Variants in ADCY2 observed in about 807,000 individuals in gnomAD.
The protein encoded by ADCY2 is adenylate cyclase 2, also known as adenylate cyclase type 2.
Under a neutral mutation model 125.2 loss-of-function variants are expected in ADCY2, and 31 were observed. The ratio of observed to expected loss-of-function variants is 0.25; its 90% confidence interval spans 0.19 to 0.33. The LOEUF (loss-of-function observed/expected upper bound fraction) is 0.33. Ranked by LOEUF, ADCY2 falls within the 10% of genes least tolerant of loss-of-function variation. ADCY2 has a pLI of 1.00. For synonymous variants in ADCY2, 512 were observed against 548.4 expected (o/e 0.93, Z 0.93); for missense variants, 904 against 1,418.2 (o/e 0.64, Z 5.82).
Position 7,802,075 on chromosome 5 carries a change from G to A in ADCY2, c.2629-143G>A. 1 of 853,368 alleles carries A rather than the reference G, an allele frequency of 1.2e-6. No individual in the cohort carries two copies. Among genetic ancestry groups the A allele is most frequent in the Non-Finnish European group, 1.8e-6 (1 of 560,584 alleles). 52.9% of individuals were successfully genotyped at this position (853,368 alleles called of 1,614,324 possible). ...AGAGCAGCGGCAGCATCTGGATTGG[G>A]CCGCGGCTGGGGTGGGGCAAGTGGA... On this transcript the variant is annotated intron_variant, in intron 20 of 24. Transcript: ENST00000338316. This position sits in a 1 kb window ranked among gnomAD's most constrained non-coding sequence, Gnocchi z 4.6.
intron 4 of ADCY2, among the ~76,000 whole-genome samples, chr5:7,664,879 C>T (rs1739659734): frequency 6.6e-6 from 1 of 152,288 alleles, no homozygotes; most frequent in Non-Finnish European, 1.5e-5. Flanking sequence ...CAGTCCTTTA[C>T]CTTAACCTCA....
intron 9 of ADCY2, chr5:7,708,086 G>A (rs1240348321): frequency 1.2e-5 from 5 of 406,868 alleles, no homozygotes; most frequent in Non-Finnish European, 1.7e-5. Context: ...AGTTCAGGCT[G>A]TCATGTGTGT....
At chr5:7,778,905 A>G (rs1014073053) in intron 18 of ADCY2, among the ~76,000 whole-genome samples, 1 of 152,160 alleles carries the variant, frequency 6.6e-6, no homozygotes, top group Non-Finnish European at 1.5e-5. Context: ...AGAACCTGAA[A>G]TTGTTTTCAT....
At chr5:7,628,683 A>G (rs1443619281) in intron 4 of ADCY2, among the ~76,000 whole-genome samples, 1 of 152,210 alleles carries the variant, frequency 6.6e-6, no homozygotes, top group Non-Finnish European at 1.5e-5. Flanking sequence ...AAGCGTTGGA[A>G]GTCCATTTCC....
chr5:7,459,142 TC>T (rs1309462850), intron 2 of ADCY2, among the ~76,000 whole-genome samples: 2 of 152,148 alleles, frequency 1.3e-5, no homozygotes, highest in Admixed American at 1.3e-4. Context: ...GACCGGGAGT[TC>T]CTTGGGGGAT....
intron 16 of ADCY2, among the ~76,000 whole-genome samples, chr5:7,758,366 T>G (rs1224007035): frequency 6.6e-6 from 1 of 152,134 alleles, no homozygotes; most frequent in African/African-American, 2.4e-5. Context: ...TGTTCTCACA[T>G]CAGCAGCAGC....
intron 5 of ADCY2, among the ~76,000 whole-genome samples, chr5:7,692,812 G>A (rs941701115): frequency 9.2e-5 from 14 of 151,948 alleles, no homozygotes; most frequent in Non-Finnish European, 5.9e-5. Flanking sequence ...AGTCTCTCCC[G>A]TAAATGAGAG....
chr5:7,820,672 G>GGGGA lies in ADCY2; in HGVS notation c.3106_3107insGGGA (p.Val1036GlyfsTer136). 6.2e-7 allele frequency: 1 copy of GGGGA among 1,613,764 alleles called. No individual in the cohort carries two copies. The highest frequency in any genetic ancestry group is 8.5e-7 in the Non-Finnish European group (1 of 1,179,786). Reference sequence around the variant, plus strand: ...GGCCAGTAGGATGGACAGCACCGGAGTCCTGGACAAAATACAGGTAATGCA... The same window carrying GGGGA: ...GGCCAGTAGGATGGACAGCACCGGAGGGGATCCTGGACAAAATACAGGTAATGCA... On this transcript the variant is annotated frameshift_variant, in exon 24 of 25. Transcript: ENST00000338316. LOFTEE classifies it high-confidence loss of function.
At chr5:7,568,284 C>T (rs746770516) in intron 3 of ADCY2, among the ~76,000 whole-genome samples, 4 of 152,142 alleles carry the variant, frequency 2.6e-5, no homozygotes, top group Non-Finnish European at 5.9e-5. Context: ...GGGCTCTAAT[C>T]TTTGGCACTC....
intron 4 of ADCY2, among the ~76,000 whole-genome samples, chr5:7,642,660 G>C (rs1738750019): frequency 6.6e-6 from 1 of 152,012 alleles, no homozygotes; most frequent in Non-Finnish European, 1.5e-5. Context: ...AATGCATATA[G>C]TCACCAGACT....
At chr5:7,541,284 G>A (rs944579433) in intron 3 of ADCY2, among the ~76,000 whole-genome samples, 2 of 152,188 alleles carry the variant, frequency 1.3e-5, no homozygotes, top group Admixed American at 6.5e-5. Context: ...AAGCTGACTG[G>A]CAGCATGAGA....
intron 22 of ADCY2, among the ~76,000 whole-genome samples, chr5:7,806,452 G>C (rs1344796502): frequency 6.6e-6 from 1 of 152,142 alleles, no homozygotes; most frequent in Admixed American, 6.5e-5. Context: ...CCACAGGCTG[G>C]GTGGCTTAAA....
At chr5:7,585,398 G>A (rs556006302) in intron 3 of ADCY2, among the ~76,000 whole-genome samples, 67 of 152,214 alleles carry the variant, frequency 4.4e-4, no homozygotes, top group African/African-American at 1.4e-3. Context: ...AACATCTTGC[G>A]TGTCCCTTTA....
intron 20 of ADCY2, chr5:7,800,712 A>G (rs1280772233): frequency 6.6e-6 from 1 of 152,148 alleles, no homozygotes; most frequent in South Asian, 2.1e-4. Flanking sequence ...CCTTTTCCTC[A>G]AGCACAGGGA....
rs1042093182 is a variant in ADCY2 at position 7,579,104 on chromosome 5, C to T, written c.571-47063C>T. Among the ~76,000 whole-genome samples the T allele has an allele frequency of 2.6e-5, 4 of 152,180 alleles. No homozygotes were observed. In the East Asian group the frequency reaches 5.8e-4, roughly 22 times the overall value. On this transcript the variant is annotated intron_variant, in intron 3 of 24. Transcript: ENST00000338316. ...TTTCCAGTGGGGTAATATAGTTTCA[C>T]TTCCGTCAAGCCAATCATTCTATAC...
intron 1 of ADCY2, among the ~76,000 whole-genome samples, chr5:7,399,043 TG>T (rs1739165327): frequency 2.0e-5 from 3 of 152,208 alleles, no homozygotes; most frequent in Admixed American, 6.5e-5. Context: ...AGGTCTACCT[TG>T]GGAGGTGGGA....
chr5:7,437,619 A>G (rs1241209047), intron 2 of ADCY2, among the ~76,000 whole-genome samples: 1 of 152,268 alleles, frequency 6.6e-6, no homozygotes, highest in African/African-American at 2.4e-5. Context: ...ACGGCGTGAT[A>G]GGTACTCGGG....
intron 2 of ADCY2, among the ~76,000 whole-genome samples, chr5:7,447,920 C>T (rs1287545523): frequency 6.6e-6 from 1 of 152,182 alleles, no homozygotes; most frequent in Non-Finnish European, 1.5e-5. Context: ...AGAAGCTTTT[C>T]CTGAGGACCT....
At position 7,541,089 on chromosome 5, in the gene ADCY2, T is replaced by C. The variant is rs76624101; in HGVS notation, c.570+20190T>C. On this transcript the variant is annotated intron_variant, in intron 3 of 24. Transcript: ENST00000338316. ...ATCAGCTACTGGAGCCGTTTACATT[T>C]GCATCAACTCCAGTTTCTCTCTTCA... is the stretch of plus-strand genomic sequence containing the variant. 9.8e-3 allele frequency among the ~76,000 whole-genome samples: 1,494 copies of C among 152,294 alleles called. 34 individuals carry two copies. Among genetic ancestry groups the C allele is most frequent in the African/African-American group, 0.033 (1,387 of 41,568 alleles).
Sources: allele counts gnomAD v4.1 joint callset (sites outside exome capture counted in the v4.1 genomes callset), GRCh38; gene constraint gnomAD v4.1.1; non-coding constraint Gnocchi (gnomAD v3.1); transcripts MANE v1.5; gene names NCBI Gene and HGNC (gene_info 2026-07-23, HGNC 2026-07-21).